BRCA1: variants seen among roughly 807,000 people sequenced by gnomAD.
BRCA1 encodes breast cancer type 1 susceptibility protein.
Under a neutral mutation model 173.7 loss-of-function variants are expected in BRCA1, and 140 were observed. That is an observed-to-expected ratio of 0.81 (90% CI 0.70 to 0.93). The LOEUF (loss-of-function observed/expected upper bound fraction) is 0.93, where lower values mean the gene tolerates loss of function less well. Ranked by LOEUF, BRCA1 falls within the 40% of genes least tolerant of loss-of-function variation. BRCA1 has a pLI of 0.00. For missense variants in BRCA1, 1,983 were observed against 2,172.5 expected (o/e 0.91, Z 1.73); for synonymous variants, 662 against 756.0 (o/e 0.88, Z 2.04).
intron 7 of BRCA1, among the ~76,000 whole-genome samples, chr17:43,098,661 C>A (rs1240881238): frequency 1.3e-5 from 2 of 151,448 alleles, no homozygotes; most frequent in African/African-American, 4.9e-5. Context: ...GCCACCGCAC[C>A]GGCCAAAAAT....
At chr17:43,106,084 A>C (rs1036848755) in intron 4 of BRCA1, among the ~76,000 whole-genome samples, 2 of 150,752 alleles carry the variant, frequency 1.3e-5, no homozygotes, top group African/African-American at 4.9e-5. Context: ...ACGCCACTGC[A>C]CTCCAGCCTC....
intron 1 of BRCA1, among the ~76,000 whole-genome samples, chr17:43,144,055 C>A (rs1291404027): frequency 6.6e-6 from 1 of 152,048 alleles, no homozygotes; most frequent in Non-Finnish European, 1.5e-5. Flanking sequence ...CCTGTCTCTA[C>A]TAAGAATACA....
chr17:43,081,101 T>C (rs1336316783), intron 12 of BRCA1, among the ~76,000 whole-genome samples: 1 of 152,144 alleles, frequency 6.6e-6, no homozygotes, highest in East Asian at 1.9e-4. Context: ...ATAGTAGATT[T>C]ACACAGATAT....
chr17:43,152,884 A>T (rs1339411006), intron 1 of BRCA1, among the ~76,000 whole-genome samples: 1 of 151,856 alleles, frequency 6.6e-6, no homozygotes, highest in African/African-American at 2.4e-5. Context: ...AATAAAAAAA[A>T]ATAAGCTGGG....
chr17:43,091,775 C>G lies in BRCA1; in HGVS notation c.3756G>C (p.Leu1252=), dbSNP rs752122039. 6.2e-6 allele frequency: 10 copies of G among 1,614,138 alleles called. No individual in the cohort carries two copies. The highest frequency in any genetic ancestry group is 1.3e-5 in the African/African-American group (1 of 75,058). Residue 1252 remains leucine, a synonymous_variant, in exon 10 of 23, where the codon CTG becomes CTC. Coordinates refer to ENST00000357654, the MANE Select transcript of BRCA1 (RefSeq NM_007294.4). ...TRHSTVATEC[L]SKNTEENLLS... The stretch of plus-strand genomic sequence containing the variant: ...ATAAATTCTCCTCTGTGTTCTTAGA[C>G]AGACACTCGGTAGCAACGGTGCTAT...
intron 2 of BRCA1, among the ~76,000 whole-genome samples, chr17:43,121,546 G>A (rs2055573596): frequency 6.6e-6 from 1 of 150,646 alleles, no homozygotes; most frequent in Admixed American, 6.6e-5. Flanking sequence ...TAGCTGGTGT[G>A]ATGGCACATG....
In BRCA1 at chr17:43,095,937, C is replaced by CA. The variant is rs1555593635; in HGVS notation, c.594-16dup. The CA allele has an allele frequency of 6.3e-7, 1 of 1,597,082 alleles. No individual in the cohort carries two copies. The highest frequency in any genetic ancestry group is 8.6e-7 in the Non-Finnish European group (1 of 1,165,288). On this transcript the variant is annotated splice_polypyrimidine_tract_variant and intron_variant, in intron 8 of 22. Coordinates refer to ENST00000357654, the MANE Select transcript of BRCA1 (RefSeq NM_007294.4). ...GATCTCCCACACTATAGGGAAAAGACAGAGTCCTAATAAGAAACACTAGTT... is the reference window on the plus strand; with the variant it reads ...GATCTCCCACACTATAGGGAAAAGACAAGAGTCCTAATAAGAAACACTAGTT...
chr17:43,121,916 A>C (rs1032081764), intron 2 of BRCA1, among the ~76,000 whole-genome samples: 14 of 152,190 alleles, frequency 9.2e-5, no homozygotes, highest in Non-Finnish European at 1.6e-4. Flanking sequence ...AAATGTATCC[A>C]AATGCCACAC....
chr17:43,138,962 A>G, intron 1 of BRCA1: 1 of 778,698 alleles, frequency 1.3e-6, no homozygotes, highest in Non-Finnish European at 2.4e-6. Context: ...CCCCCTCCCC[A>G]CAACCTTCAC....
At chr17:43,077,860 C>G (rs868117787) in intron 12 of BRCA1, among the ~76,000 whole-genome samples, 1 of 152,014 alleles carries the variant, frequency 6.6e-6, no homozygotes, top group East Asian at 1.9e-4. Context: ...CTCAGCCTCC[C>G]AAGTAGTTGG....
intron 1 of BRCA1, chr17:43,124,925 T>C (rs1489102499): frequency 6.3e-6 from 2 of 318,284 alleles, no homozygotes; most frequent in Non-Finnish European, 1.3e-5. Context: ...TTTGTATTTT[T>C]AGTAGAGACG....
chr17:43,071,957 G>A (rs2052466802), intron 14 of BRCA1, among the ~76,000 whole-genome samples: 3 of 151,836 alleles, frequency 2.0e-5, no homozygotes, highest in Admixed American at 1.3e-4. Flanking sequence ...GCAGTGAGCT[G>A]AGATTGAGCC....
At position 43,106,440 on chromosome 17, in the gene BRCA1, T is replaced by C. The variant is rs1057522049; in HGVS notation, c.212+16A>G. ...TGTGGTTGCTTCCAACCTAGCATCATTACCAAATTATATACCTTTTGGTTA... is the reference window on the plus strand; with the variant it reads ...TGTGGTTGCTTCCAACCTAGCATCACTACCAAATTATATACCTTTTGGTTA... On this transcript the variant is annotated intron_variant, in intron 4 of 22. Transcript: ENST00000357654. 15 of 1,532,136 alleles carry C rather than the reference T, an allele frequency of 9.8e-6. No individual in the cohort carries two copies. The South Asian group carries it at 1.3e-4, about 13-fold the overall frequency. The allele number at this position is 1,532,136 out of a possible 1,614,324, so 94.9% of individuals were successfully genotyped here. A position where few individuals can be genotyped will look rare whatever the true frequency, so the allele number is the denominator to read the frequency against.
chr17:43,065,920 CT>C (rs1479288430), intron 16 of BRCA1, among the ~76,000 whole-genome samples: 1 of 152,272 alleles, frequency 6.6e-6, no homozygotes, highest in East Asian at 1.9e-4. Context: ...CTCATTTCTT[CT>C]TCAAAAGACA....
chr17:43,071,881 G>A (rs1328409950), intron 14 of BRCA1, among the ~76,000 whole-genome samples: 5 of 151,460 alleles, frequency 3.3e-5, no homozygotes, highest in African/African-American at 9.7e-5. Flanking sequence ...GGTGGCGGGC[G>A]CCTGTAGTCC....
intron 3 of BRCA1, among the ~76,000 whole-genome samples, chr17:43,108,056 T>G (rs77611824): frequency 6.6e-6 from 1 of 151,864 alleles, no homozygotes; most frequent in African/African-American, 2.4e-5. Context: ...AAAAAAAAAG[T>G]CACTAGGGCT....
intron 18 of BRCA1, among the ~76,000 whole-genome samples, chr17:43,063,034 G>A (rs2051834483): frequency 6.6e-6 from 1 of 152,154 alleles, no homozygotes; most frequent in Non-Finnish European, 1.5e-5. Context: ...GGAATTACAG[G>A]CAAGTGCCAC....
intron 1 of BRCA1, chr17:43,139,067 G>A: frequency 3.0e-6 from 2 of 663,606 alleles, no homozygotes; most frequent in South Asian, 1.7e-5. Context: ...CCTATCTGGG[G>A]TAGTGTAACG....
intron 2 of BRCA1, among the ~76,000 whole-genome samples, chr17:43,121,437 C>T (rs559482319): frequency 6.6e-6 from 1 of 151,928 alleles, no homozygotes; most frequent in African/African-American, 2.4e-5. Flanking sequence ...GTAATCCCAG[C>T]ACTTTCGGAG....
Sources: gnomAD v4.1 joint callset for allele counts (sites outside exome capture counted in the v4.1 genomes callset) on GRCh38, gnomAD v4.1.1 for gene constraint, MANE v1.5 for transcripts, NCBI Gene and HGNC (gene_info 2026-07-23, HGNC 2026-07-21) for gene names.